Variants in RBFOX1 observed in about 807,000 individuals in gnomAD.
RBFOX1 encodes the protein RNA binding protein fox-1 homolog 1.
RBFOX1 carries 8 observed loss-of-function variants against 57.7 expected under a neutral mutation model. That is an observed-to-expected ratio of 0.14 (90% CI 0.08 to 0.25). The LOEUF (loss-of-function observed/expected upper bound fraction) is 0.25. Ranked by LOEUF, RBFOX1 falls within the 10% of genes least tolerant of loss-of-function variation. The pLI, the probability that RBFOX1 is intolerant of heterozygous loss-of-function variation, is 1.00. For missense variants in RBFOX1, 611 were observed against 548.5 expected (o/e 1.11, Z -1.14); for synonymous variants, 326 against 222.4 (o/e 1.47, Z -4.15).
chr16:5,837,251 AG>A (rs1216514678), intron 3 of RBFOX1, among the ~76,000 whole-genome samples: 11 of 145,316 alleles, frequency 7.6e-5, no homozygotes, highest in African/African-American at 2.8e-4. Flanking sequence ...GACTTTTCTC[AG>A]TTTTTTTTTT....
chr16:7,631,928 G>C (rs540804574), intron 11 of RBFOX1, among the ~76,000 whole-genome samples: 1 of 152,132 alleles, frequency 6.6e-6, no homozygotes, highest in African/African-American at 2.4e-5. Flanking sequence ...TAGAGGTTTT[G>C]AGACAAAGTC....
At chr16:6,355,872 T>C (rs2087222218) in intron 2 of RBFOX1, among the ~76,000 whole-genome samples, 1 of 152,204 alleles carries the variant, frequency 6.6e-6, no homozygotes, top group Non-Finnish European at 1.5e-5. Context: ...TACAAAATGA[T>C]CAGGAGCAAC....
intron 4 of RBFOX1, among the ~76,000 whole-genome samples, chr16:7,163,367 T>G (rs889200664): frequency 6.6e-6 from 1 of 152,184 alleles, no homozygotes; most frequent in Non-Finnish European, 1.5e-5. Flanking sequence ...GAGGAGATTT[T>G]GCTTTGGAAA....
At chr16:5,276,345 C>T (rs150905635) in intron 1 of RBFOX1, among the ~76,000 whole-genome samples, 1 of 152,042 alleles carries the variant, frequency 6.6e-6, no homozygotes, top group Admixed American at 6.6e-5. Context: ...AAAAATAATC[C>T]CATCAAAAAG....
chr16:7,627,775 A>C (rs2060303071), intron 10 of RBFOX1, among the ~76,000 whole-genome samples: 1 of 152,214 alleles, frequency 6.6e-6, no homozygotes, highest in Admixed American at 6.5e-5. Flanking sequence ...TCCTTTTAAG[A>C]AAAGGTCACA....
intron 3 of RBFOX1, among the ~76,000 whole-genome samples, chr16:6,941,233 C>T (rs2078398422): frequency 6.9e-6 from 1 of 145,526 alleles, no homozygotes; most frequent in Non-Finnish European, 1.5e-5. Flanking sequence ...TACCTCCCTC[C>T]CTCCATCCCC....
intron 1 of RBFOX1, among the ~76,000 whole-genome samples, chr16:6,205,188 T>A (rs1025788860): frequency 6.6e-6 from 1 of 152,158 alleles, no homozygotes. Flanking sequence ...TAATTGACAT[T>A]TGGGTTACTG....
At chr16:7,086,796 G>C (rs1013633512) in intron 4 of RBFOX1, among the ~76,000 whole-genome samples, 8 of 151,738 alleles carry the variant, frequency 5.3e-5, no homozygotes, top group Non-Finnish European at 1.2e-4. Flanking sequence ...CCTTAGATTA[G>C]GAAGCCACAG....
chr16:5,937,145 A>T (rs189681452), intron 4 of RBFOX1, among the ~76,000 whole-genome samples: 2 of 152,300 alleles, frequency 1.3e-5, no homozygotes, highest in Admixed American at 1.3e-4. Context: ...GAAATGTGCT[A>T]ATCCTGCTTT....
chr16:6,867,134 A>G lies in RBFOX1; in HGVS notation c.-15-184923A>G, dbSNP rs2060079799. On this transcript the variant is annotated intron_variant, in intron 3 of 15. Transcript: ENST00000550418. ...ATTTCTGATAAAGCAGTCAGGTTTT[A>G]GCTTGGAGATGTACTAAGTGCAGAA... is the stretch of plus-strand genomic sequence containing the variant. 1.3e-5 allele frequency among the ~76,000 whole-genome samples: 2 copies of G among 152,170 alleles called. 1 individual carries two copies. Among genetic ancestry groups the G allele is most frequent in the South Asian group, 4.1e-4 (2 of 4,830 alleles).
chr16:5,645,280 A>AC (rs1018437805), intron 3 of RBFOX1, among the ~76,000 whole-genome samples: 37 of 151,826 alleles, frequency 2.4e-4, no homozygotes, highest in African/African-American at 8.2e-4. Context: ...AAAAACAAAA[A>AC]AAAAAACATG....
At chr16:5,649,929 C>G (rs533492968) in intron 3 of RBFOX1, among the ~76,000 whole-genome samples, 3 of 152,128 alleles carry the variant, frequency 2.0e-5, no homozygotes, top group Non-Finnish European at 2.9e-5. Flanking sequence ...AGGTAGCACT[C>G]GAGTTCGCAA....
At chr16:7,376,081 G>A (rs1297552717) in intron 4 of RBFOX1, among the ~76,000 whole-genome samples, 1 of 152,154 alleles carries the variant, frequency 6.6e-6, no homozygotes, top group Non-Finnish European at 1.5e-5. Flanking sequence ...GTAAAAAAGG[G>A]AGTGTACATT....
rs144069010 is a variant in RBFOX1 at position 7,475,878 on chromosome 16, T to C, written c.28-42269T>C. ...TAGCATTTATTTGGTGCTTACTATG[T>C]CCCAGGAAGTGGGGTAAGAAGTTCA... On this transcript the variant is annotated intron_variant, in intron 4 of 15. Coordinates refer to ENST00000550418, the MANE Select transcript of RBFOX1 (RefSeq NM_018723.4). Among the ~76,000 whole-genome samples the C allele has an allele frequency of 4.3e-3, 656 of 152,342 alleles. 4 individuals are homozygous for C. Among genetic ancestry groups the C allele is most frequent in the African/African-American group, 0.015 (623 of 41,576 alleles).
chr16:6,477,146 A>C (rs767742094), intron 2 of RBFOX1, among the ~76,000 whole-genome samples: 1 of 152,208 alleles, frequency 6.6e-6, no homozygotes, highest in Non-Finnish European at 1.5e-5. Context: ...GTTGGAATCA[A>C]CTTATTCCAA....
chr16:6,352,726 G>C (rs980419686), intron 2 of RBFOX1, among the ~76,000 whole-genome samples: 3 of 152,176 alleles, frequency 2.0e-5, no homozygotes, highest in Admixed American at 2.0e-4. Flanking sequence ...TATTGAAGCA[G>C]CTAAAACTTT....
At chr16:7,520,634 C>T (rs980583251) in intron 5 of RBFOX1, among the ~76,000 whole-genome samples, 1 of 152,182 alleles carries the variant, frequency 6.6e-6, no homozygotes, top group African/African-American at 2.4e-5. Context: ...ACTCCTGCTG[C>T]CGACTTTTTT....
intron 7 of RBFOX1, among the ~76,000 whole-genome samples, chr16:7,590,749 C>A (rs1405761309): frequency 6.6e-6 from 1 of 151,284 alleles, no homozygotes; most frequent in Non-Finnish European, 1.5e-5. Flanking sequence ...ATCCCAGCTA[C>A]TCGGGAGGCT....
intron 2 of RBFOX1, among the ~76,000 whole-genome samples, chr16:6,382,543 C>A (rs911352423): frequency 6.6e-6 from 1 of 152,128 alleles, no homozygotes; most frequent in Non-Finnish European, 1.5e-5. Context: ...TGAGGAGAAG[C>A]CTAGCTTCAT....
Sources: gnomAD v4.1 joint callset for allele counts (sites outside exome capture counted in the v4.1 genomes callset) on GRCh38, gnomAD v4.1.1 for gene constraint, MANE v1.5 for transcripts, NCBI Gene and HGNC (gene_info 2026-07-23, HGNC 2026-07-21) for gene names.